RAD54L2: variants seen among roughly 807,000 people sequenced by gnomAD.
RAD54L2 encodes the protein helicase ARIP4.
RAD54L2 carries 27 observed loss-of-function variants against 138.4 expected under a neutral mutation model. That is an observed-to-expected ratio of 0.20 (90% CI 0.14 to 0.27). The LOEUF is 0.27. RAD54L2 is among the 10% of genes least tolerant of loss of function. The pLI is 1.00. For missense variants in RAD54L2, 1,396 were observed against 1,890.2 expected (o/e 0.74, Z 4.85); for synonymous variants, 644 against 723.2 (o/e 0.89, Z 1.76).
chr3:51,634,916 CT>C (rs1400243844), intron 9 of RAD54L2, among the ~76,000 whole-genome samples: 1 of 152,220 alleles, frequency 6.6e-6, no homozygotes, highest in Non-Finnish European at 1.5e-5. Flanking sequence ...ACATGCTAAC[CT>C]TTCCCCTCAT....
At chr3:51,598,149 A>ATATGTG (rs1553682161) in intron 3 of RAD54L2, among the ~76,000 whole-genome samples, 1 of 128,410 alleles carries the variant, frequency 7.8e-6, no homozygotes, top group Non-Finnish European at 1.7e-5. Flanking sequence ...GTATATATAT[A>ATATGTG]TGTGTGTGTG....
intron 3 of RAD54L2, among the ~76,000 whole-genome samples, chr3:51,603,519 A>G (rs1372409474): frequency 6.6e-6 from 1 of 152,032 alleles, no homozygotes; most frequent in Non-Finnish European, 1.5e-5. Flanking sequence ...AGGCGGGAGA[A>G]TTGCTTGAAC....
At chr3:51,631,408 C>T (rs1700838301) in intron 7 of RAD54L2, among the ~76,000 whole-genome samples, 2 of 147,980 alleles carry the variant, frequency 1.4e-5, no homozygotes, top group South Asian at 4.3e-4. Flanking sequence ...ACTCAGTTTA[C>T]GATTAAGAAC....
At chr3:51,540,470 C>T (rs1212895978) in intron 1 of RAD54L2, among the ~76,000 whole-genome samples, 1 of 152,232 alleles carries the variant, frequency 6.6e-6, no homozygotes, top group East Asian at 1.9e-4. Context: ...AACTCCAACT[C>T]TGAGGCCTGC....
intron 3 of RAD54L2, among the ~76,000 whole-genome samples, chr3:51,609,698 TTGTGTGTG>T (rs5848928): frequency 0.033 from 4,716 of 141,094 alleles, 101 homozygotes; most frequent in Non-Finnish European, 0.038. Context: ...TTGTGGGCAT[TTGTGTGTG>T]TGTGTGTGTG....
At chr3:51,594,860 C>CT (rs71278623) in intron 3 of RAD54L2, among the ~76,000 whole-genome samples, 9,199 of 33,550 alleles carry the variant, frequency 0.27, 4,130 homozygotes, top group Non-Finnish European at 0.38. Context: ...TTGATGGGCG[C>CT]TTTTTTTTTT....
chr3:51,629,068 T>C (rs1199656952), intron 4 of RAD54L2, among the ~76,000 whole-genome samples: 1 of 152,164 alleles, frequency 6.6e-6, no homozygotes, highest in Non-Finnish European at 1.5e-5. Context: ...AATATTACTC[T>C]AGTTTATTCT....
intron 3 of RAD54L2, among the ~76,000 whole-genome samples, chr3:51,614,713 G>A (rs1414385420): frequency 1.3e-5 from 2 of 152,110 alleles, no homozygotes; most frequent in Non-Finnish European, 2.9e-5. Context: ...AGGTATCATT[G>A]TGTTGCCTGG....
In RAD54L2 at chr3:51,663,129, C is replaced by A. The variant is rs527572938; in HGVS notation, c.4113C>A (p.Leu1371=). The A allele has an allele frequency of 6.8e-6, 11 of 1,613,908 alleles. No homozygotes were observed. The highest frequency in any genetic ancestry group is 1.6e-4 in the Middle Eastern group (1 of 6,084). ...SVTASNPSFM[L]NPSVPGILPS... ...CTGCCAGCAACCCCTCCTTCATGCT[C>A]AACCCTTCTGTGCCAGGGATACTAC... is the stretch of plus-strand genomic sequence containing the variant. The change falls in exon 23 of 23, where the codon CTC becomes CTA. Residue 1371 remains leucine, a synonymous_variant. Coordinates refer to ENST00000684192, the MANE Select transcript of RAD54L2 (RefSeq NM_015106.4).
rs776245234 is a variant in RAD54L2, at chr3:51,640,018, A to G, written c.2231+19A>G. 1 of 1,536,384 alleles carries G rather than the reference A, an allele frequency of 6.5e-7. No homozygotes were observed. The highest frequency in any genetic ancestry group is 1.7e-5 in the Admixed American group (1 of 57,494). Reference sequence around the variant, plus strand: ...TGTTTAGGTAGGATGAGAAACTTCCATTTGAGGCTGTGTGTCTATGGTAAA... The same window carrying G: ...TGTTTAGGTAGGATGAGAAACTTCCGTTTGAGGCTGTGTGTCTATGGTAAA... On this transcript the variant is annotated intron_variant, in intron 14 of 22. Coordinates refer to ENST00000684192, the MANE Select transcript of RAD54L2 (RefSeq NM_015106.4).
In RAD54L2 at chr3:51,561,230, A is replaced by G. The variant is rs147643914; in HGVS notation, c.-55+19580A>G. Among the ~76,000 whole-genome samples the G allele has an allele frequency of 1.6e-3, 240 of 152,264 alleles. 1 individual carries two copies. Among genetic ancestry groups the G allele is most frequent in the African/African-American group, 5.5e-3 (229 of 41,554 alleles). On this transcript the variant is annotated intron_variant, in intron 2 of 22. Transcript: ENST00000684192. ...AAACATTCTGCTTTCTTGTCTCTGA[A>G]TCATTGTTCATGAAATTCCCTATCT...
At position 51,587,182 on chromosome 3, in the gene RAD54L2, G is replaced by C. The variant is rs562100211; in HGVS notation, c.-54-3185G>C. 2.6e-3 allele frequency among the ~76,000 whole-genome samples: 392 copies of C among 151,490 alleles called. 1 individual carries two copies. Among genetic ancestry groups the C allele is most frequent in the Non-Finnish European group, 3.7e-3 (254 of 67,864 alleles). ...GTGGCGTGATCTCGGCTCACTGCAA[G>C]CTCCGCCTCCCGGGTTCACGCCATT... On this transcript the variant is annotated intron_variant, in intron 2 of 22. Coordinates refer to ENST00000684192, the MANE Select transcript of RAD54L2 (RefSeq NM_015106.4).
chr3:51,654,616 C>T (rs1414252493), intron 19 of RAD54L2, among the ~76,000 whole-genome samples: 1 of 152,196 alleles, frequency 6.6e-6, no homozygotes, highest in African/African-American at 2.4e-5. Flanking sequence ...CTCTTTTCCT[C>T]CACCCATTCC....
At chr3:51,615,590 G>A (rs1700428352) in intron 3 of RAD54L2, among the ~76,000 whole-genome samples, 1 of 152,190 alleles carries the variant, frequency 6.6e-6, no homozygotes, top group Non-Finnish European at 1.5e-5. Context: ...TGGTGAATGA[G>A]ATGGACATAA....
At chr3:51,552,557 T>A (rs1698865601) in intron 2 of RAD54L2, among the ~76,000 whole-genome samples, 1 of 142,574 alleles carries the variant, frequency 7.0e-6, no homozygotes. Flanking sequence ...CCACTGCGCC[T>A]GGCCTTTTTT....
In RAD54L2 at chr3:51,594,426, C is replaced by T. The variant is rs190075181; in HGVS notation, c.139+3867C>T. 1.1e-3 allele frequency among the ~76,000 whole-genome samples: 164 copies of T among 152,254 alleles called. 1 individual carries two copies. The highest frequency in any genetic ancestry group is 9.1e-3 in the Admixed American group (139 of 15,284). Reference sequence around the variant, plus strand: ...TGTTAGGTAGGGTAGATACATTTTACAGATGGGGAAACTGGGGCTCAGAAA... The same window carrying T: ...TGTTAGGTAGGGTAGATACATTTTATAGATGGGGAAACTGGGGCTCAGAAA... On this transcript the variant is annotated intron_variant, in intron 3 of 22. Coordinates refer to ENST00000684192, the MANE Select transcript of RAD54L2 (RefSeq NM_015106.4).
chr3:51,623,197 C>T lies in RAD54L2; in HGVS notation c.140-4356C>T, dbSNP rs548782944. Among the ~76,000 whole-genome samples, 15 of 152,312 alleles carry T rather than the reference C, an allele frequency of 9.8e-5. No homozygotes were observed. In the South Asian group the frequency reaches 1.9e-3, roughly 19 times the overall value. ...ATGAAAGTGTAGTCTACAATTTCATCGAGGCAGTATGTGTGTGTAAGAAAC... is the reference window on the plus strand; with the variant it reads ...ATGAAAGTGTAGTCTACAATTTCATTGAGGCAGTATGTGTGTGTAAGAAAC... On this transcript the variant is annotated intron_variant, in intron 3 of 22. Coordinates refer to ENST00000684192, the MANE Select transcript of RAD54L2 (RefSeq NM_015106.4).
At chr3:51,641,660 G>A (rs1439876317) in intron 14 of RAD54L2, 89 bp from the exon 15 acceptor site, 1 of 843,872 alleles carries the variant, frequency 1.2e-6, no homozygotes, top group Non-Finnish European at 1.9e-6. Flanking sequence ...AGCTCCCATT[G>A]TCAGAAAGTT....
rs535074969 is a variant in RAD54L2, at chr3:51,662,911, G to A, written c.3895G>A (p.Val1299Ile). The A allele has an allele frequency of 3.3e-5, 53 of 1,613,724 alleles. No homozygotes were observed. In the South Asian group the frequency reaches 3.8e-4, roughly 12 times the overall value. Residue 1299 changes from valine (V) to isoleucine (I), a missense_variant, in exon 23 of 23, where the codon GTC becomes ATC. By Grantham distance (29) the Val-to-Ile change is conservative. Around this residue, in one of 7 missense-constraint regions of RAD54L2, gnomAD observed 634 missense variants for 711.2 expected, o/e 0.89. Coordinates refer to ENST00000684192, the MANE Select transcript of RAD54L2 (RefSeq NM_015106.4). This position sits in a 1 kb window ranked among gnomAD's most constrained non-coding sequence, Gnocchi z 4.6. Reference sequence around the variant, plus strand: ...CTCTGGCGGGTTTGCCATGCCACCCGTCTCCTTAAACCATAACCTCACCAC... The same window carrying A: ...CTCTGGCGGGTTTGCCATGCCACCCATCTCCTTAAACCATAACCTCACCAC... ...PVSGGFAMPP[V>I]SLNHNLTTPF...
Sources: allele counts gnomAD v4.1 joint callset (sites outside exome capture counted in the v4.1 genomes callset), GRCh38; gene constraint gnomAD v4.1.1; regional missense constraint gnomAD v4.1.1; non-coding constraint Gnocchi (gnomAD v3.1); transcripts MANE v1.5; gene names NCBI Gene and HGNC (gene_info 2026-07-23, HGNC 2026-07-21).